Variants in CNTNAP3 observed in about 807,000 individuals in gnomAD.
CNTNAP3 encodes contactin-associated protein-like 3.
Under a neutral mutation model 92.1 loss-of-function variants are expected in CNTNAP3, and 36 were observed. The ratio of observed to expected loss-of-function variants is 0.39; its 90% CI spans 0.30 to 0.52. The LOEUF is 0.52. Ranked by LOEUF, CNTNAP3 falls within the 20% of genes least tolerant of loss-of-function variation. CNTNAP3 has a pLI of 0.76. For synonymous variants in CNTNAP3, 232 were observed against 422.3 expected (o/e 0.55, Z 5.53); for missense variants, 534 against 1,069.6 (o/e 0.50, Z 6.98).
At chr9:39,144,168 C>T (rs1481578424) in intron 11 of CNTNAP3, 72 bp downstream of exon 11, 2 of 1,457,116 alleles carry the variant, frequency 1.4e-6, no homozygotes, top group Non-Finnish European at 1.8e-6. Flanking sequence ...TATGCAGATA[C>T]ATATAAACAA....
At chr9:39,112,398 T>G (rs1342223943) in intron 14 of CNTNAP3, among the ~76,000 whole-genome samples, 2 of 152,058 alleles carry the variant, frequency 1.3e-5, no homozygotes, top group Admixed American at 6.5e-5. Context: ...AGAGTCTCAC[T>G]CTTGTCGCCC....
chr9:39,108,713 C>G (rs1395064951), intron 15 of CNTNAP3, among the ~76,000 whole-genome samples: 5 of 152,032 alleles, frequency 3.3e-5, no homozygotes, highest in Non-Finnish European at 7.4e-5. Context: ...AACGAAAATG[C>G]TGCAGGAAAG....
At chr9:39,094,983 T>C (rs566499910) in intron 18 of CNTNAP3, among the ~76,000 whole-genome samples, 1 of 151,696 alleles carries the variant, frequency 6.6e-6, no homozygotes, top group Non-Finnish European at 1.5e-5. Flanking sequence ...TGTCTTTCCA[T>C]CTATTTAGTT....
intron 21 of CNTNAP3, among the ~76,000 whole-genome samples, chr9:39,080,886 C>T (rs540222278): frequency 5.0e-5 from 7 of 138,702 alleles, no homozygotes; most frequent in African/African-American, 8.0e-5. Context: ...AGGACGGTCT[C>T]GATCTCTTGA....
chr9:39,079,932 G>A (rs1185431078), intron 21 of CNTNAP3, among the ~76,000 whole-genome samples: 1 of 118,954 alleles, frequency 8.4e-6, no homozygotes, highest in African/African-American at 3.7e-5. Flanking sequence ...CCCTAAATGA[G>A]AGGCTTGGGA....
intron 13 of CNTNAP3, among the ~76,000 whole-genome samples, chr9:39,132,020 TATACTGTTTTTGTTTTTTTA>T (rs1821305558): frequency 6.6e-6 from 1 of 152,060 alleles, no homozygotes; most frequent in Admixed American, 6.5e-5. Context: ...GCTACCGACA[TATACTGTTTTTGTTTTTTTA>T]AGACAAGGTG....
In CNTNAP3 at chr9:39,072,644, T is replaced by C. The variant is rs1825654305; in HGVS notation, c.*1246A>G. On this transcript the variant is annotated 3_prime_UTR_variant, in exon 24 of 24. Coordinates refer to ENST00000297668, the MANE Select transcript of CNTNAP3 (RefSeq NM_033655.5). The stretch of plus-strand genomic sequence containing the variant: ...GCAGATTTAATAAACATCATGTAAA[T>C]GCTAACTTAACTTGGAGTGAACAGT... 1.3e-5 allele frequency: 2 copies of C among 152,190 alleles called. No individual in the cohort carries two copies. The highest frequency in any genetic ancestry group is 2.9e-5 in the Non-Finnish European group (2 of 68,020). 9.4% of individuals were successfully genotyped at this position (152,190 alleles called of 1,614,324 possible). A position where few individuals can be genotyped will look rare whatever the true frequency, so the allele number is the denominator to read the frequency against.
At chr9:39,146,951 A>T (rs1256450030) in intron 10 of CNTNAP3, among the ~76,000 whole-genome samples, 1 of 152,128 alleles carries the variant, frequency 6.6e-6, no homozygotes, top group African/African-American at 2.4e-5. Context: ...AGTTCTCATA[A>T]TTCCCACCGT....
At chr9:39,081,917 A>G (rs1427310776) in intron 21 of CNTNAP3, among the ~76,000 whole-genome samples, 1 of 138,092 alleles carries the variant, frequency 7.2e-6, no homozygotes, top group African/African-American at 2.8e-5. Context: ...TCTCTACTAA[A>G]AATACAAAAA....
rs775584630 is a variant in CNTNAP3, at chr9:39,109,155, C to G, written c.2365+5G>C. 1 of 1,609,676 alleles carries G rather than the reference C, an allele frequency of 6.2e-7. No individual in the cohort carries two copies. Among genetic ancestry groups the G allele is most frequent in the South Asian group, 1.1e-5 (1 of 90,344 alleles). On this transcript the variant is annotated splice_donor_5th_base_variant and intron_variant, in intron 15 of 23. Coordinates refer to ENST00000297668, the MANE Select transcript of CNTNAP3 (RefSeq NM_033655.5). ...AAAATAAAGCTTTTTCTTGACACTACTTACGATCTCCGCGGCAGAGCAGTG... is the reference window on the plus strand; with the variant it reads ...AAAATAAAGCTTTTTCTTGACACTAGTTACGATCTCCGCGGCAGAGCAGTG...
At chr9:39,157,427 C>T (rs540730811) in intron 9 of CNTNAP3, among the ~76,000 whole-genome samples, 1 of 83,730 alleles carries the variant, frequency 1.2e-5, no homozygotes, top group South Asian at 4.3e-4. Flanking sequence ...ATAAGCTCTG[C>T]CTCCCAGGTT....
At chr9:39,129,959 C>T (rs1821237538) in intron 13 of CNTNAP3, among the ~76,000 whole-genome samples, 1 of 152,164 alleles carries the variant, frequency 6.6e-6, no homozygotes, top group African/African-American at 2.4e-5. Context: ...TATTACTACA[C>T]AGTTATCAGA....
intron 18 of CNTNAP3, 87 bp downstream of exon 18, chr9:39,099,824 C>T: frequency 6.5e-7 from 1 of 1,537,922 alleles, no homozygotes; most frequent in Non-Finnish European, 8.8e-7. Context: ...CTTATCCTCT[C>T]TTTATAATAT....
chr9:39,238,350 C>CAAAAAAAAA (rs1174376017), intron 3 of CNTNAP3, among the ~76,000 whole-genome samples: 1 of 630 alleles, frequency 1.6e-3, no homozygotes, highest in African/African-American at 1.7e-3. Flanking sequence ...ACTAAAAATA[C>CAAAAAAAAA]AAAAAAAAAA....
At position 39,071,147 on chromosome 9, in the gene CNTNAP3, C is replaced by G. The variant is rs1218338101; in HGVS notation, c.*2743G>C. ...ATGTTAATACATGACTTATCCTACTCCATGTCTCTATTACAATGAAAGATC... is the reference window on the plus strand; with the variant it reads ...ATGTTAATACATGACTTATCCTACTGCATGTCTCTATTACAATGAAAGATC... On this transcript the variant is annotated 3_prime_UTR_variant, in exon 24 of 24. Coordinates refer to ENST00000297668, the MANE Select transcript of CNTNAP3 (RefSeq NM_033655.5). 2.6e-5 allele frequency among the ~76,000 whole-genome samples: 4 copies of G among 152,164 alleles called. No homozygotes were observed. The East Asian group carries it at 7.7e-4, about 29-fold the overall frequency.
Position 39,205,034 on chromosome 9 carries a change from A to G in CNTNAP3, c.391-11759T>C, listed in dbSNP as rs1354873792. Among the ~76,000 whole-genome samples, 2 of 73,582 alleles carry G rather than the reference A, an allele frequency of 2.7e-5. 1 individual carries two copies. Among genetic ancestry groups the G allele is most frequent in the East Asian group, 8.3e-4 (2 of 2,424 alleles). 48.3% of individuals were successfully genotyped at this position (73,582 alleles called of 152,430 possible). On this transcript the variant is annotated intron_variant, in intron 3 of 23. Transcript: ENST00000297668. ...TTATGTTTTTGAGCACTTCCCACAT[A>G]CTTCCTTAAGCCCTTTGCTCAGAGA... is the stretch of plus-strand genomic sequence containing the variant.
intron 18 of CNTNAP3, among the ~76,000 whole-genome samples, chr9:39,094,862 T>C (rs1826291492): frequency 6.6e-6 from 1 of 151,582 alleles, no homozygotes; most frequent in South Asian, 2.1e-4. Flanking sequence ...ATAGGGGCTT[T>C]TTCATTTGTA....
chr9:39,110,858 A>G (rs535783186), intron 14 of CNTNAP3, among the ~76,000 whole-genome samples: 1 of 152,282 alleles, frequency 6.6e-6, no homozygotes, highest in South Asian at 2.1e-4. Context: ...ATTCTGATTT[A>G]CAGACAAAAC....
chr9:39,065,306 T>C lies in CNTNAP3; in HGVS notation c.*8584A>G, dbSNP rs1204685187. On this transcript the variant is annotated 3_prime_UTR_variant, in exon 24 of 24. Coordinates refer to ENST00000297668, the MANE Select transcript of CNTNAP3 (RefSeq NM_033655.5). ...CAGCCATGTTTGTTGCAGTTACCAG[T>C]AGTTTTGTCCATTTTATAGCTGAAG... Among the ~76,000 whole-genome samples, 3 of 152,290 alleles carry C rather than the reference T, an allele frequency of 2.0e-5. No individual in the cohort carries two copies. The highest frequency in any genetic ancestry group is 7.2e-5 in the African/African-American group (3 of 41,480).
Sources: allele counts gnomAD v4.1 joint callset (sites outside exome capture counted in the v4.1 genomes callset), GRCh38; gene constraint gnomAD v4.1.1; transcripts MANE v1.5; gene names NCBI Gene and HGNC (gene_info 2026-07-23, HGNC 2026-07-21).